The following SMG1 variants were observed in gnomAD, a reference collection of about 807,000 sequenced individuals.
The protein encoded by SMG1 is SMG1 nonsense mediated mRNA decay associated PI3K related kinase.
In SMG1, 22 loss-of-function variants were observed where a neutral mutation model predicts 419.9. That is an observed-to-expected ratio of 0.05 (90% CI 0.04 to 0.07). The LOEUF is 0.07. Among genes scored for constraint, SMG1 ranks in the 10% least tolerant of loss-of-function variants. The pLI is 1.00. For synonymous variants in SMG1, 1,538 were observed against 1,553.5 expected (o/e 0.99, Z 0.23); for missense variants, 3,185 against 4,342.0 (o/e 0.73, Z 7.49).
rs541008101 is a variant in SMG1, at chr16:18,805,384, C to T, written c.*4185G>A. On this transcript the variant is annotated 3_prime_UTR_variant, in exon 63 of 63. Coordinates refer to ENST00000446231, the MANE Select transcript of SMG1 (RefSeq NM_015092.5). Reference sequence around the variant, plus strand: ...CAAAAATCTTCTAAATTGTATGACACTTTTACATTAGCACAACAAACAGCT... The same window carrying T: ...CAAAAATCTTCTAAATTGTATGACATTTTTACATTAGCACAACAAACAGCT... The T allele has an allele frequency of 3.9e-5, 6 of 152,272 alleles. No homozygotes were observed. The South Asian group carries it at 1.2e-3, about 32-fold the overall frequency. The allele number at this position is 152,272 out of a possible 1,614,324, so 9.4% of individuals were successfully genotyped here.
intron 9 of SMG1, among the ~76,000 whole-genome samples, chr16:18,882,629 A>T (rs1196000596): frequency 6.6e-6 from 1 of 152,202 alleles, no homozygotes; most frequent in Non-Finnish European, 1.5e-5. Flanking sequence ...TGCTCTAGTT[A>T]TATGTAGGTA....
intron 55 of SMG1, among the ~76,000 whole-genome samples, chr16:18,827,821 G>A (rs2032848235): frequency 7.2e-6 from 1 of 138,240 alleles, no homozygotes; most frequent in South Asian, 2.3e-4. Context: ...ATATACCAAA[G>A]TATATGTTTT....
At chr16:18,891,830 A>T (rs2036895023) in intron 4 of SMG1, among the ~76,000 whole-genome samples, 1 of 152,066 alleles carries the variant, frequency 6.6e-6, no homozygotes, top group African/African-American at 2.4e-5. Flanking sequence ...AGAGACAAGG[A>T]CTCCCTCTGT....
chr16:18,834,578 ACCAG>A (rs2033432107), intron 49 of SMG1, 140 bp from the exon 50 acceptor site: 2 of 782,502 alleles, frequency 2.6e-6, no homozygotes, highest in African/African-American at 3.5e-5. Context: ...GGAGTTCGAG[ACCAG>A]CCTGATCAAT....
intron 60 of SMG1, among the ~76,000 whole-genome samples, chr16:18,814,668 G>A (rs976474061): frequency 3.3e-5 from 5 of 151,198 alleles, no homozygotes; most frequent in South Asian, 4.2e-4. Flanking sequence ...TCCACCTCCC[G>A]GGTTCAAGCA....
intron 11 of SMG1, chr16:18,877,932 T>C (rs2036213342): frequency 6.6e-6 from 1 of 152,160 alleles, no homozygotes; most frequent in African/African-American, 2.4e-5. Context: ...TTTAAAATAC[T>C]CCAGTTGGAG....
chr16:18,833,219 A>G, intron 50 of SMG1, 53 bp from the exon 51 acceptor site: 1 of 1,432,842 alleles, frequency 7.0e-7, no homozygotes, highest in Non-Finnish European at 9.6e-7. Flanking sequence ...TAGCTAAGTT[A>G]CACATTTGGA....
At chr16:18,888,158 C>T (rs1596601838) in intron 6 of SMG1, among the ~76,000 whole-genome samples, 1 of 74,824 alleles carries the variant, frequency 1.3e-5, no homozygotes, top group East Asian at 2.8e-4. Context: ...GAGCAAGACT[C>T]TGCATCAAAA....
intron 31 of SMG1, 21 bp downstream of exon 31, chr16:18,853,562 A>C: frequency 1.3e-6 from 2 of 1,517,660 alleles, no homozygotes; most frequent in Non-Finnish European, 1.8e-6. Context: ...TAATATTCTA[A>C]AGCTAATAAA....
intron 1 of SMG1, 31 bp downstream of exon 1, chr16:18,925,919 G>A (rs1476367187): frequency 2.0e-6 from 3 of 1,492,016 alleles, no homozygotes; most frequent in Admixed American, 4.1e-5. Context: ...AGCCCGGGAG[G>A]TCGGGGCGGG....
At chr16:18,877,292 C>G in intron 11 of SMG1, 60 bp from the exon 12 acceptor site, 1 of 1,234,502 alleles carries the variant, frequency 8.1e-7, no homozygotes, top group Non-Finnish European at 1.1e-6. Flanking sequence ...CATGGAGAAA[C>G]CTTAAATGCA....
intron 20 of SMG1, 141 bp from the exon 21 acceptor site, chr16:18,868,860 G>C: frequency 3.1e-6 from 2 of 651,540 alleles, no homozygotes; most frequent in South Asian, 4.2e-5. Context: ...CAACATGAAA[G>C]ATCTTTCATT....
chr16:18,872,265 G>A lies in SMG1; in HGVS notation c.2102C>T (p.Thr701Met), dbSNP rs200519212. ...FDGAVISTVT[T>M]ATKKHFSIIL... Reference sequence around the variant, plus strand: ...AATTGAGAAATGTTTCTTTGTAGCCGTAGTTACAGTGCTAATCACAGCTCC... The same window carrying A: ...AATTGAGAAATGTTTCTTTGTAGCCATAGTTACAGTGCTAATCACAGCTCC... The change falls in exon 15 of 63, where the codon ACG becomes ATG. Residue 701 changes from threonine (T) to methionine (M), a missense_variant. Thr to Met is a moderately conservative substitution (Grantham distance 81). Transcript: ENST00000446231. The A allele has an allele frequency of 5.4e-4, 852 of 1,591,722 alleles. 9 individuals carry two copies. In the Admixed American group the frequency reaches 0.012, roughly 22 times the overall value.
chr16:18,805,988 A>G lies in SMG1; in HGVS notation c.*3581T>C, dbSNP rs975174882. On this transcript the variant is annotated 3_prime_UTR_variant, in exon 63 of 63. Coordinates refer to ENST00000446231, the MANE Select transcript of SMG1 (RefSeq NM_015092.5). ...CAGCTCCTTTGATTTCAGTACTGCC[A>G]AAACAAGTAAGCCCCCAGAGTTAAT... 2 of 152,638 alleles carry G rather than the reference A, an allele frequency of 1.3e-5. No individual in the cohort carries two copies. Among genetic ancestry groups the G allele is most frequent in the Non-Finnish European group, 2.9e-5 (2 of 68,044 alleles). The allele number at this position is 152,638 out of a possible 1,614,324, so 9.5% of individuals were successfully genotyped here.
At chr16:18,891,661 T>C (rs566195423) in intron 4 of SMG1, among the ~76,000 whole-genome samples, 1 of 152,318 alleles carries the variant, frequency 6.6e-6, no homozygotes, top group African/African-American at 2.4e-5. Context: ...ATCGAACTCC[T>C]GAACTCAGGT....
In SMG1 at chr16:18,832,964, T is replaced by A; in HGVS notation, c.8768A>T (p.His2923Leu). The stretch of plus-strand genomic sequence containing the variant: ...CCTGGCAACATCGATGTAATGAGCA[T>A]GTGTTTCTTCTTCCAGTCCCATAGC... ...NAAMGLEEET[H>L]AHYIDVARLL... Residue 2923 changes from histidine (H) to leucine (L), a missense_variant, in exon 51 of 63, where the codon CAT (histidine) becomes CTT (leucine). His to Leu is a moderately conservative substitution (Grantham distance 99, BLOSUM62 -3). This residue lies in a region of SMG1 where 737 missense variants were observed against 846.6 expected (regional missense o/e 0.87). Transcript: ENST00000446231. The A allele has an allele frequency of 6.2e-7, 1 of 1,614,004 alleles. No individual in the cohort carries two copies. Among genetic ancestry groups the A allele is most frequent in the South Asian group, 1.1e-5 (1 of 91,086 alleles).
At chr16:18,858,058 G>A (rs1180936716) in intron 29 of SMG1, 112 bp downstream of exon 29, 2 of 846,256 alleles carry the variant, frequency 2.4e-6, no homozygotes, top group Admixed American at 3.0e-5. Flanking sequence ...GTGAAGACAT[G>A]TTAGAACTCA....
chr16:18,903,619 C>A lies in SMG1; in HGVS notation c.93-6663G>T, dbSNP rs569347658. The stretch of plus-strand genomic sequence containing the variant: ...GCAACTGATCCAAGCAGTTTACATA[C>A]GTTTATCATGTCATTTCATGTTCAA... On this transcript the variant is annotated intron_variant, in intron 1 of 62. Transcript: ENST00000446231. Among the ~76,000 whole-genome samples the A allele has an allele frequency of 2.3e-4, 35 of 152,308 alleles. 1 individual carries two copies. Among genetic ancestry groups the A allele is most frequent in the Admixed American group, 2.0e-3 (31 of 15,290 alleles).
At chr16:18,910,750 C>A (rs1183862169) in intron 1 of SMG1, among the ~76,000 whole-genome samples, 2 of 152,094 alleles carry the variant, frequency 1.3e-5, no homozygotes, top group African/African-American at 4.8e-5. Flanking sequence ...CTTCTCCACC[C>A]CCTCAAGTAC....
Sources: allele counts gnomAD v4.1 joint callset (sites outside exome capture counted in the v4.1 genomes callset), GRCh38; gene constraint gnomAD v4.1.1; regional missense constraint gnomAD v4.1.1; transcripts MANE v1.5; gene names NCBI Gene and HGNC (gene_info 2026-07-23, HGNC 2026-07-21).